Variants in ACLY observed in about 807,000 individuals in gnomAD.
The protein encoded by ACLY is ATP citrate lyase.
In ACLY, 41 loss-of-function variants were observed where a neutral mutation model predicts 133.0. The observed-to-expected ratio is 0.31, with a 90% confidence interval of 0.24 to 0.40. The LOEUF is 0.40. Among genes scored for constraint, ACLY ranks in the 10% least tolerant of loss-of-function variants. The probability of loss-of-function intolerance (pLI) is 1.00; values close to 1 mark genes in which losing one functional copy is unlikely to be tolerated. For synonymous variants in ACLY, 495 were observed against 549.3 expected (o/e 0.90, Z 1.38); for missense variants, 1,046 against 1,453.8 (o/e 0.72, Z 4.56).
upstream of ACLY, among the ~76,000 whole-genome samples, chr17:41,922,573 C>A (rs2144455565): frequency 6.6e-6 from 1 of 152,210 alleles, no homozygotes. Context: ...ATTTTAAATT[C>A]ACTTGCCCTT....
chr17:41,897,919 G>A (rs966547357), intron 12 of ACLY, 80 bp from the exon 13 acceptor site: 16 of 1,271,978 alleles, frequency 1.3e-5, no homozygotes, highest in Non-Finnish European at 1.5e-5. Flanking sequence ...AGGCCCCAAA[G>A]AAAACTCGTA....
chr17:41,893,581 C>T (rs1471642799), intron 14 of ACLY, among the ~76,000 whole-genome samples: 1 of 152,140 alleles, frequency 6.6e-6, no homozygotes, highest in African/African-American at 2.4e-5. Flanking sequence ...CTTAGCTCGC[C>T]CAATTTTGGT....
At chr17:41,916,380 T>C (rs1008392861) in intron 1 of ACLY, among the ~76,000 whole-genome samples, 2 of 133,240 alleles carry the variant, frequency 1.5e-5, no homozygotes, top group African/African-American at 5.5e-5. Flanking sequence ...TTTGTTTTGT[T>C]TTTTTTTTTT....
chr17:41,906,113 G>A (rs2049708871), intron 8 of ACLY, among the ~76,000 whole-genome samples: 1 of 152,234 alleles, frequency 6.6e-6, no homozygotes, highest in African/African-American at 2.4e-5. Flanking sequence ...TTATTGTAAA[G>A]GGTGTAGAAT....
chr17:41,895,360 T>C (rs2049336443), intron 14 of ACLY, among the ~76,000 whole-genome samples: 1 of 152,142 alleles, frequency 6.6e-6, no homozygotes, highest in Admixed American at 6.5e-5. Context: ...TCTACCAACC[T>C]ACCAGCATCT....
upstream of ACLY, among the ~76,000 whole-genome samples, chr17:41,919,212 G>A (rs2050140597): frequency 6.6e-6 from 1 of 151,940 alleles, no homozygotes; most frequent in African/African-American, 2.4e-5. Flanking sequence ...CGGGTGGGGA[G>A]ATGGGCCGGG....
chr17:41,894,446 G>C lies in ACLY; in HGVS notation c.1460-1272C>G, dbSNP rs116651158. 2.4e-3 allele frequency among the ~76,000 whole-genome samples: 357 copies of C among 150,936 alleles called. 3 individuals are homozygous for C. The highest frequency in any genetic ancestry group is 8.4e-3 in the African/African-American group (344 of 41,100). ...TGGTAGAAGTGCAGTTCTCTAGGTG[G>C]GCATAGTGGTGCGTGCTTGAGTCCT... On this transcript the variant is annotated intron_variant, in intron 14 of 28. Transcript: ENST00000352035.
intron 4 of ACLY, 76 bp from the exon 5 acceptor site, chr17:41,909,776 G>A: frequency 7.3e-7 from 1 of 1,371,758 alleles, no homozygotes; most frequent in Non-Finnish European, 1.0e-6. Context: ...AACTGGGGAA[G>A]ATGGTCTACC....
At chr17:41,922,730 A>G (rs1264144031), upstream of ACLY, among the ~76,000 whole-genome samples, 1 of 152,192 alleles carries the variant, frequency 6.6e-6, no homozygotes, top group Non-Finnish European at 1.5e-5. Context: ...GTACTCAATA[A>G]ATGTTTGCTG....
chr17:41,876,545 A>G (rs2144230165), intron 22 of ACLY, among the ~76,000 whole-genome samples: 1 of 152,200 alleles, frequency 6.6e-6, no homozygotes, highest in South Asian at 2.1e-4. Context: ...GACATGGGAG[A>G]CTTTTCATTT....
At chr17:41,884,318 C>T (rs782688433) in intron 18 of ACLY, 44 bp from the exon 19 acceptor site, 3 of 1,334,572 alleles carry the variant, frequency 2.2e-6, no homozygotes, top group Non-Finnish European at 3.2e-6. Context: ...CAGGAGGAGG[C>T]CTGGGGAAGT....
At chr17:41,887,979 T>G (rs1419868375) in intron 16 of ACLY, among the ~76,000 whole-genome samples, 3 of 151,844 alleles carry the variant, frequency 2.0e-5, no homozygotes, top group Non-Finnish European at 4.4e-5. Context: ...AATACAAAAA[T>G]TAGCTGGGTA....
In ACLY at chr17:41,913,949, T is replaced by A; in HGVS notation, c.-23-53A>T. 2.5e-6 allele frequency: 4 copies of A among 1,573,408 alleles called. No individual in the cohort carries two copies. In the South Asian group the frequency reaches 4.6e-5, roughly 18 times the overall value. On this transcript the variant is annotated intron_variant, in intron 1 of 28. Transcript: ENST00000352035. ...AGGGGGCAGGCGTGTGGAGGCACTA[T>A]CTTCCCCAGCAGGGCAGACCCACTC...
At chr17:41,887,986 G>A (rs968656421) in intron 16 of ACLY, among the ~76,000 whole-genome samples, 2 of 152,016 alleles carry the variant, frequency 1.3e-5, no homozygotes, top group Admixed American at 6.6e-5. Context: ...AAATTAGCTG[G>A]GTATGGTGGT....
In ACLY at chr17:41,875,703, T is replaced by C. The variant is rs1398708332; in HGVS notation, c.2488-1738A>G. 1.9e-3 allele frequency among the ~76,000 whole-genome samples: 295 copies of C among 151,880 alleles called. 1 individual carries two copies. Among genetic ancestry groups the C allele is most frequent in the African/African-American group, 6.7e-3 (278 of 41,496 alleles). The stretch of plus-strand genomic sequence containing the variant: ...GAGTGATCCGCCAGCCTCGGCCTCC[T>C]GAGGTGCCGGGATTGCAGACGGAGT... On this transcript the variant is annotated intron_variant, in intron 22 of 28. Transcript: ENST00000352035.
chr17:41,887,858 T>G (rs1381853116), intron 16 of ACLY, among the ~76,000 whole-genome samples, 155 bp from the exon 17 acceptor site: 1 of 152,136 alleles, frequency 6.6e-6, no homozygotes, highest in Non-Finnish European at 1.5e-5. Flanking sequence ...CCGGGCGCGG[T>G]GGCTCATGCT....
intron 11 of ACLY, among the ~76,000 whole-genome samples, chr17:41,901,375 TTG>T (rs1156561188): frequency 6.6e-6 from 1 of 152,190 alleles, no homozygotes; most frequent in Non-Finnish European, 1.5e-5. Flanking sequence ...ACATAGCAGT[TTG>T]TGTCCTCCGT....
intron 1 of ACLY, among the ~76,000 whole-genome samples, chr17:41,914,160 T>C (rs1241151852): frequency 6.6e-6 from 1 of 152,232 alleles, no homozygotes; most frequent in African/African-American, 2.4e-5. Flanking sequence ...CCTGGGACTC[T>C]TGCCTTACCC....
chr17:41,908,575 G>A (rs1472535907), intron 6 of ACLY, among the ~76,000 whole-genome samples: 2 of 152,202 alleles, frequency 1.3e-5, no homozygotes, highest in Non-Finnish European at 2.9e-5. Flanking sequence ...ACCAGCCTTG[G>A]CCAACATGGT....
Sources: gnomAD v4.1 joint callset for allele counts (sites outside exome capture counted in the v4.1 genomes callset) on GRCh38, gnomAD v4.1.1 for gene constraint, MANE v1.5 for transcripts, NCBI Gene and HGNC (gene_info 2026-07-23, HGNC 2026-07-21) for gene names.